Variants in SPG11 observed in about 807,000 individuals in gnomAD.
SPG11 encodes the protein spatacsin.
In SPG11, 222 loss-of-function variants were observed where a neutral mutation model predicts 274.0. The ratio of observed to expected loss-of-function variants is 0.81; its 90% CI spans 0.73 to 0.91. The LOEUF (loss-of-function observed/expected upper bound fraction) is 0.91, where lower values mean the gene tolerates loss of function less well. Among genes scored for constraint, SPG11 ranks in the 40% least tolerant of loss-of-function variants. SPG11 has a pLI of 0.00. For synonymous variants in SPG11, 1,144 were observed against 1,039.7 expected (o/e 1.10, Z -1.93); for missense variants, 3,114 against 2,872.7 (o/e 1.08, Z -1.92).
chr15:44,585,992 T>G (rs986002084), intron 28 of SPG11, 142 bp from the exon 29 acceptor site: 11 of 686,166 alleles, frequency 1.6e-5, no homozygotes, highest in African/African-American at 9.6e-5. Flanking sequence ...TGTTTTTTTT[T>G]TTTTTTTTTT....
chr15:44,567,530 T>C lies in SPG11; in HGVS notation c.6648A>G (p.Glu2216=). The C allele has an allele frequency of 6.2e-7, 1 of 1,614,008 alleles. No homozygotes were observed. Among genetic ancestry groups the C allele is most frequent in the African/African-American group, 1.3e-5 (1 of 74,974 alleles). The change falls in exon 36 of 40, where the codon GAA becomes GAG. Residue 2216 remains glutamate (E), a synonymous_variant. Coordinates refer to ENST00000261866, the MANE Select transcript of SPG11 (RefSeq NM_025137.4). ...YIKRCRPGDS[E]KHNMIALCFS... ...AGCACAGGGCAATCATATTGTGCTT[T>C]TCACTGTCTCCAGGACGGCAGCGTT...
intron 24 of SPG11, 145 bp downstream of exon 24, chr15:44,596,639 G>T: frequency 1.7e-6 from 1 of 579,756 alleles, no homozygotes; most frequent in Non-Finnish European, 2.7e-6. Context: ...AAAAGCCCAT[G>T]TATCCAGTAC....
chr15:44,565,061 C>T (rs2082281080), intron 38 of SPG11, among the ~76,000 whole-genome samples: 1 of 152,200 alleles, frequency 6.6e-6, no homozygotes, highest in South Asian at 2.1e-4. Context: ...TAATCTTCCT[C>T]ACAATGAATT....
intron 16 of SPG11, among the ~76,000 whole-genome samples, 179 bp from the exon 17 acceptor site, chr15:44,613,715 C>G (rs1178529902): frequency 6.6e-6 from 1 of 152,136 alleles, no homozygotes; most frequent in African/African-American, 2.4e-5. Context: ...GATCTGGAAA[C>G]AATTTTAGAG....
At chr15:44,604,100 T>C (rs761954167) in intron 20 of SPG11, 48 of 424,622 alleles carry the variant, frequency 1.1e-4, no homozygotes, top group African/African-American at 2.1e-5. Context: ...TGGAAAACAG[T>C]GTACCTGCTC....
At chr15:44,655,552 T>C (rs1423729003) in intron 4 of SPG11, among the ~76,000 whole-genome samples, 2 of 152,238 alleles carry the variant, frequency 1.3e-5, no homozygotes, top group Non-Finnish European at 2.9e-5. Flanking sequence ...GTACTGTAAA[T>C]GTATTTTCGC....
intron 30 of SPG11, 163 bp from the exon 31 acceptor site, chr15:44,575,204 C>G: frequency 1.3e-6 from 1 of 786,066 alleles, no homozygotes; most frequent in South Asian, 1.8e-5. Flanking sequence ...CAACTTCTTT[C>G]ATTGCCCTCT....
chr15:44,596,032 C>CTTAT (rs780879926), intron 25 of SPG11, 51 bp downstream of exon 25: 1 of 1,607,916 alleles, frequency 6.2e-7, no homozygotes, highest in African/African-American at 1.3e-5. Flanking sequence ...TCCCTCATTA[C>CTTAT]TTATTCTATT....
intron 7 of SPG11, among the ~76,000 whole-genome samples, chr15:44,639,645 T>C (rs1595912652): frequency 6.6e-6 from 1 of 151,720 alleles, no homozygotes; most frequent in Non-Finnish European, 1.5e-5. Flanking sequence ...GAGGCTGCAG[T>C]GAGCCAGGAC....
intron 1 of SPG11, 52 bp downstream of exon 1, chr15:44,663,339 C>T: frequency 1.3e-6 from 2 of 1,577,166 alleles, no homozygotes; most frequent in Non-Finnish European, 1.7e-6. Flanking sequence ...CTCAGTCAGC[C>T]GAGCCTAGGC....
At chr15:44,563,403 G>A in intron 39 of SPG11, 102 bp from the exon 40 acceptor site, 1 of 1,074,958 alleles carries the variant, frequency 9.3e-7, no homozygotes, top group South Asian at 1.3e-5. Flanking sequence ...CAGAGGAGCA[G>A]TCTTGGCTCA....
intron 36 of SPG11, among the ~76,000 whole-genome samples, chr15:44,567,140 A>G (rs980196199): frequency 6.6e-6 from 1 of 152,004 alleles, no homozygotes; most frequent in Non-Finnish European, 1.5e-5. Flanking sequence ...TCACCAGGTC[A>G]GGAGTTCAAG....
chr15:44,608,377 T>A, intron 19 of SPG11, 67 bp downstream of exon 19: 1 of 1,529,150 alleles, frequency 6.5e-7, no homozygotes, highest in Non-Finnish European at 9.1e-7. Flanking sequence ...TTGAAAGATC[T>A]AGAGTGATTT....
chr15:44,622,612 A>AT (rs2083784342), intron 12 of SPG11, 116 bp downstream of exon 12: 1 of 895,528 alleles, frequency 1.1e-6, no homozygotes, highest in Non-Finnish European at 1.8e-6. Flanking sequence ...ACTTTTACTT[A>AT]TTAGATATTA....
intron 14 of SPG11, 136 bp downstream of exon 14, chr15:44,621,623 G>T: frequency 4.8e-6 from 4 of 834,842 alleles, no homozygotes; most frequent in Non-Finnish European, 5.9e-6. Flanking sequence ...TTAATGCAAC[G>T]ACTTGCATTT....
chr15:44,653,713 T>C (rs971980941), intron 4 of SPG11, among the ~76,000 whole-genome samples: 1 of 152,124 alleles, frequency 6.6e-6, no homozygotes. Context: ...GTGGATCTAA[T>C]ACCAAAAAGA....
intron 10 of SPG11, among the ~76,000 whole-genome samples, chr15:44,627,174 C>A (rs745575725): frequency 1.3e-5 from 2 of 152,048 alleles, no homozygotes; most frequent in Non-Finnish European, 2.9e-5. Flanking sequence ...AATATCCAGG[C>A]AGCAATATAG....
intron 4 of SPG11, among the ~76,000 whole-genome samples, chr15:44,656,525 A>G (rs865838504): frequency 6.6e-6 from 1 of 152,230 alleles, no homozygotes; most frequent in Non-Finnish European, 1.5e-5. Context: ...CAGTTAGGTC[A>G]GAGGACAGGT....
At chr15:44,566,600 G>A (rs1484221387) in intron 36 of SPG11, among the ~76,000 whole-genome samples, 6 of 152,128 alleles carry the variant, frequency 3.9e-5, no homozygotes, top group East Asian at 1.9e-4. Flanking sequence ...TGGATATATA[G>A]GCTATAGATC....
Sources: gnomAD v4.1 joint callset for allele counts (sites outside exome capture counted in the v4.1 genomes callset) on GRCh38, gnomAD v4.1.1 for gene constraint, MANE v1.5 for transcripts, NCBI Gene and HGNC (gene_info 2026-07-23, HGNC 2026-07-21) for gene names.